Variants in VPS13A observed in about 807,000 individuals in gnomAD.
VPS13A encodes the protein intermembrane lipid transfer protein VPS13A.
A neutral mutation model predicts 390.9 loss-of-function variants in VPS13A; 264 were observed. The observed-to-expected ratio is 0.68, with a 90% CI of 0.61 to 0.75. The LOEUF is 0.75. Ranked by LOEUF, VPS13A falls within the 30% of genes least tolerant of loss-of-function variation. The pLI is 0.00. For synonymous variants in VPS13A, 1,231 were observed against 1,227.1 expected (o/e 1.00, Z -0.07); for missense variants, 3,409 against 3,733.9 (o/e 0.91, Z 2.27).
intron 1 of VPS13A, among the ~76,000 whole-genome samples, chr9:77,187,764 GTTAA>G (rs910360243): frequency 6.6e-6 from 1 of 152,018 alleles, no homozygotes; most frequent in African/African-American, 2.4e-5. Context: ...TGTTGTGTGG[GTTAA>G]TTGTGTGTCA....
intron 1 of VPS13A, among the ~76,000 whole-genome samples, chr9:77,183,323 G>C (rs1043790378): frequency 6.6e-6 from 1 of 152,162 alleles, no homozygotes; most frequent in Non-Finnish European, 1.5e-5. Flanking sequence ...GAACATATCT[G>C]TCATACCTAG....
intron 67 of VPS13A, among the ~76,000 whole-genome samples, chr9:77,377,302 C>G (rs1386246580): frequency 2.1e-5 from 3 of 143,060 alleles, no homozygotes. Context: ...TCACTGCAAG[C>G]TCCGCTTCCC....
Position 77,215,603 on chromosome 9 carries a change from A to T in VPS13A, c.754+1217A>T, listed in dbSNP as rs1044173863. On this transcript the variant is annotated intron_variant, in intron 10 of 71. Transcript: ENST00000360280. Reference sequence around the variant, plus strand: ...TTTAATATAAAGAATTACCAACTATAAGAGGAGACTGGAGTAACAAGGGAC... The same window carrying T: ...TTTAATATAAAGAATTACCAACTATTAGAGGAGACTGGAGTAACAAGGGAC... Among the ~76,000 whole-genome samples, 3 of 152,214 alleles carry T rather than the reference A, an allele frequency of 2.0e-5. No individual in the cohort carries two copies. In the South Asian group the frequency reaches 6.2e-4, roughly 32 times the overall value.
In VPS13A at chr9:77,370,154, T is replaced by G; in HGVS notation, c.8668-103T>G. ...GATATTACTTCCTCTGGGACAACATTATCCATTTTTGTTACTACCTCTTTC... is the reference window on the plus strand; with the variant it reads ...GATATTACTTCCTCTGGGACAACATGATCCATTTTTGTTACTACCTCTTTC... On this transcript the variant is annotated intron_variant, in intron 63 of 71. Transcript: ENST00000360280. 5 of 1,243,974 alleles carry G rather than the reference T, an allele frequency of 4.0e-6. No homozygotes were observed. In the Admixed American group the frequency reaches 7.6e-5, roughly 19 times the overall value. 77.1% of individuals were successfully genotyped at this position (1,243,974 alleles called of 1,614,324 possible).
intron 23 of VPS13A, among the ~76,000 whole-genome samples, chr9:77,261,395 A>G (rs1825751769): frequency 6.6e-6 from 1 of 151,510 alleles, no homozygotes; most frequent in Non-Finnish European, 1.5e-5. Context: ...TCTTCTTTTG[A>G]TGGATATTCA....
intron 54 of VPS13A, 91 bp downstream of exon 54, chr9:77,353,732 A>G: frequency 7.8e-7 from 1 of 1,276,138 alleles, no homozygotes; most frequent in Non-Finnish European, 1.1e-6. Context: ...ATTTAGTTTC[A>G]GTTTTGTGCT....
chr9:77,392,455 T>C (rs1380396083), intron 68 of VPS13A, among the ~76,000 whole-genome samples: 4 of 152,160 alleles, frequency 2.6e-5, no homozygotes, highest in Non-Finnish European at 5.9e-5. Flanking sequence ...TATTTTTTAT[T>C]ATGCTTATCT....
Position 77,209,533 on chromosome 9 carries a change from G to A in VPS13A, c.495+1G>A, listed in dbSNP as rs1447585760. The stretch of plus-strand genomic sequence containing the variant: ...TATCCATATTCGTTATGAAGATGAT[G>A]TAAGTATTTTAATATGTGATATTTG... On this transcript the variant is annotated splice_donor_variant, in intron 6 of 71. Transcript: ENST00000360280. LOFTEE classifies it high-confidence loss of function. The A allele has an allele frequency of 2.0e-6, 3 of 1,537,150 alleles. No individual in the cohort carries two copies. Among genetic ancestry groups the A allele is most frequent in the Non-Finnish European group, 2.7e-6 (3 of 1,113,804 alleles).
At chr9:77,395,678 A>G (rs949356736) in intron 68 of VPS13A, 1 of 152,304 alleles carries the variant, frequency 6.6e-6, no homozygotes, top group African/African-American at 2.4e-5. Context: ...CATGGTGCCT[A>G]ATAATAACTC....
At chr9:77,287,164 AAATT>A (rs1827376781) in intron 31 of VPS13A, among the ~76,000 whole-genome samples, 4 of 148,134 alleles carry the variant, frequency 2.7e-5, no homozygotes, top group African/African-American at 9.8e-5. Flanking sequence ...ACTGGTAAAT[AAATT>A]AAGAAAAAAC....
chr9:77,357,653 ATAAAT>A, intron 55 of VPS13A, 34 bp from the exon 56 acceptor site: 1 of 1,600,312 alleles, frequency 6.2e-7, no homozygotes, highest in Non-Finnish European at 8.5e-7. Context: ...TCATTTATAG[ATAAAT>A]TAATTTTTTC....
chr9:77,261,194 C>G (rs552712708), intron 23 of VPS13A, among the ~76,000 whole-genome samples: 1 of 152,008 alleles, frequency 6.6e-6, no homozygotes, highest in African/African-American at 2.4e-5. Flanking sequence ...CCACCGTGCC[C>G]GGCCTGTATT....
rs183449746 is a variant in VPS13A, at chr9:77,237,941, A to G, written c.1596-61A>G. 2.7e-4 allele frequency: 365 copies of G among 1,331,244 alleles called. No individual in the cohort carries two copies. The African/African-American group carries it at 4.3e-3, about 16-fold the overall frequency. The allele number at this position is 1,331,244 out of a possible 1,614,324, so 82.5% of individuals were successfully genotyped here. A position where few individuals can be genotyped will look rare whatever the true frequency, so the allele number is the denominator to read the frequency against. On this transcript the variant is annotated intron_variant, in intron 17 of 71. Coordinates refer to ENST00000360280, the MANE Select transcript of VPS13A (RefSeq NM_033305.3). Reference sequence around the variant, plus strand: ...TCATTAATTTTTTAAATCATTTTCAATTTTTAAAATCCTTCACAATTTTAC... The same window carrying G: ...TCATTAATTTTTTAAATCATTTTCAGTTTTTAAAATCCTTCACAATTTTAC...
At position 77,407,537 on chromosome 9, in the gene VPS13A, G is replaced by A. The variant is rs746332998; in HGVS notation, c.9404G>A (p.Arg3135Gln). Residue 3135 changes from arginine to glutamine, a missense_variant, in exon 71 of 72, where the codon CGA (arginine) becomes CAA (glutamine). Arg to Gln is a conservative substitution (Grantham distance 43). Transcript: ENST00000360280. ...GRRLRIEAKE[R>Q]VKSVFHAREF... ...ATTTACATATTCTGTTTATAGGAAC[G>A]AGTGAAGTCTGTATTTCATGCCAGA... The A allele has an allele frequency of 7.4e-6, 12 of 1,611,354 alleles. No homozygotes were observed. Among genetic ancestry groups the A allele is most frequent in the South Asian group, 1.1e-5 (1 of 90,966 alleles).
chr9:77,310,457 TAAGA>T (rs1178024555), intron 35 of VPS13A, among the ~76,000 whole-genome samples: 4 of 152,322 alleles, frequency 2.6e-5, no homozygotes, highest in Admixed American at 6.5e-5. Flanking sequence ...TTTCTGCGCT[TAAGA>T]AAGAAATTTC....
At chr9:77,260,304 A>T in intron 23 of VPS13A, 80 bp downstream of exon 23, 2 of 1,434,374 alleles carry the variant, frequency 1.4e-6, no homozygotes, top group African/African-American at 1.4e-5. Context: ...CAGGAATTTT[A>T]TATAAGACAA....
At chr9:77,272,761 A>T (rs756750437) in intron 23 of VPS13A, among the ~76,000 whole-genome samples, 1 of 152,212 alleles carries the variant, frequency 6.6e-6, no homozygotes, top group Non-Finnish European at 1.5e-5. Flanking sequence ...CTTCTAGGTC[A>T]GGATGTGGTA....
chr9:77,197,960 T>C (rs1028117888), intron 1 of VPS13A, among the ~76,000 whole-genome samples: 2 of 152,158 alleles, frequency 1.3e-5, no homozygotes, highest in African/African-American at 2.4e-5. Flanking sequence ...CAGTAAGACA[T>C]ATGAGGTACC....
At chr9:77,257,847 T>C (rs1035132807) in intron 22 of VPS13A, among the ~76,000 whole-genome samples, 1 of 152,200 alleles carries the variant, frequency 6.6e-6, no homozygotes, top group Admixed American at 6.5e-5. Context: ...CAGTTTATCT[T>C]ATTGATGTCC....
Sources: gnomAD v4.1 joint callset for allele counts (sites outside exome capture counted in the v4.1 genomes callset) on GRCh38, gnomAD v4.1.1 for gene constraint, MANE v1.5 for transcripts, NCBI Gene and HGNC (gene_info 2026-07-23, HGNC 2026-07-21) for gene names.